The following PLPP1 variants were observed in gnomAD, a reference collection of about 807,000 sequenced individuals.
PLPP1 encodes phospholipid phosphatase 1.
A neutral mutation model predicts 31.2 loss-of-function variants in PLPP1; 24 were observed. The observed-to-expected ratio is 0.77, with a 90% confidence interval of 0.56 to 1.08. The LOEUF is 1.08. PLPP1 is among the 50% of genes least tolerant of loss of function. The pLI, the probability that PLPP1 is intolerant of heterozygous loss-of-function variation, is 0.00. For synonymous variants in PLPP1, 146 were observed against 126.3 expected (o/e 1.16, Z -1.05); for missense variants, 319 against 342.7 (o/e 0.93, Z 0.55).
chr5:55,507,306 TCAGAA>T (rs1753301134), intron 1 of PLPP1, among the ~76,000 whole-genome samples: 2 of 152,184 alleles, frequency 1.3e-5, no homozygotes, highest in Non-Finnish European at 2.9e-5. Flanking sequence ...TATCTGGCAC[TCAGAA>T]AAGAATACAG....
chr5:55,468,600 G>C (rs188040264), intron 2 of PLPP1, among the ~76,000 whole-genome samples: 1 of 151,962 alleles, frequency 6.6e-6, no homozygotes, highest in Non-Finnish European at 1.5e-5. Context: ...TCAGGAGTTC[G>C]AGACCAGCCT....
At chr5:55,445,596 G>C (rs539227665) in intron 3 of PLPP1, among the ~76,000 whole-genome samples, 1 of 135,628 alleles carries the variant, frequency 7.4e-6, no homozygotes, top group East Asian at 2.2e-4. Flanking sequence ...CCAGGCTGGA[G>C]TTCAGTGGCC....
chr5:55,501,223 C>T (rs915726411), intron 1 of PLPP1, among the ~76,000 whole-genome samples: 19 of 150,824 alleles, frequency 1.3e-4, no homozygotes, highest in Non-Finnish European at 2.2e-4. Context: ...TTTGACAGAA[C>T]AATCACTTGA....
intron 3 of PLPP1, among the ~76,000 whole-genome samples, chr5:55,460,991 C>T (rs1333132609): frequency 6.6e-6 from 1 of 152,156 alleles, no homozygotes; most frequent in Non-Finnish European, 1.5e-5. Context: ...TCAAGACCAG[C>T]CTGTGCAACA....
chr5:55,486,724 C>A (rs112451350), intron 1 of PLPP1, among the ~76,000 whole-genome samples: 13 of 152,188 alleles, frequency 8.5e-5, no homozygotes, highest in African/African-American at 3.1e-4. Flanking sequence ...ACCAGCCTAA[C>A]CAACATGGTG....
chr5:55,518,091 C>T (rs992154142), intron 1 of PLPP1, among the ~76,000 whole-genome samples: 1 of 152,146 alleles, frequency 6.6e-6, no homozygotes, highest in Non-Finnish European at 1.5e-5. Flanking sequence ...CCTCGGCCTC[C>T]CAGAGTGCTG....
Position 55,468,008 on chromosome 5 carries a change from T to C in PLPP1, c.352A>G (p.Ile118Val), listed in dbSNP as rs199937515. Residue 118 changes from isoleucine to valine, a missense_variant, in exon 3 of 6, where the codon ATT becomes GTT. Coordinates refer to ENST00000307259, the MANE Select transcript of PLPP1 (RefSeq NM_003711.4). ...GAAASQSLTDIAKYSIGRLRP... is the reference protein window; with the variant it reads ...GAAASQSLTDVAKYSIGRLRP... Reference sequence around the variant, plus strand: ...AGTCTGCCTATTGAATACTTGGCAATGTCAGTCAGGGACTGACTAGCAGCT... The same window carrying C: ...AGTCTGCCTATTGAATACTTGGCAACGTCAGTCAGGGACTGACTAGCAGCT... The C allele has an allele frequency of 6.2e-7, 1 of 1,614,188 alleles. No homozygotes were observed. The highest frequency in any genetic ancestry group is 2.2e-5 in the East Asian group (1 of 44,878).
chr5:55,503,760 CAG>C (rs1244384223), intron 1 of PLPP1, among the ~76,000 whole-genome samples: 1 of 136,854 alleles, frequency 7.3e-6, no homozygotes, highest in African/African-American at 2.8e-5. Flanking sequence ...GCCTGGGCAA[CAG>C]AGAGAGGCTG....
At chr5:55,499,681 CAAA>C (rs921560837) in intron 1 of PLPP1, among the ~76,000 whole-genome samples, 13 of 132,272 alleles carry the variant, frequency 9.8e-5, no homozygotes, top group African/African-American at 2.7e-4. Context: ...TTTCACTACT[CAAA>C]AAAAAAATAA....
intron 1 of PLPP1, among the ~76,000 whole-genome samples, chr5:55,496,109 C>T (rs1357114530): frequency 3.3e-5 from 5 of 152,208 alleles, no homozygotes; most frequent in African/African-American, 9.6e-5. Flanking sequence ...CCACCTGCCT[C>T]GGCCTCCCAA....
intron 1 of PLPP1, among the ~76,000 whole-genome samples, chr5:55,490,144 C>CTTTTTTTTTT (rs896241457): frequency 6.3e-3 from 524 of 82,902 alleles, no homozygotes; most frequent in Non-Finnish European, 7.7e-3. Flanking sequence ...CTTTTCTTTT[C>CTTTTTTTTTT]TTTTTTTTTT....
At chr5:55,530,460 T>A in intron 1 of PLPP1, 2 of 1,243,064 alleles carry the variant, frequency 1.6e-6, no homozygotes, top group Non-Finnish European at 2.4e-6. Context: ...ATTCTCTTGG[T>A]AAGTTTCTGT....
rs1052120146 is a variant in PLPP1, at chr5:55,490,889, G to A, written c.59-15439C>T. On this transcript the variant is annotated intron_variant, in intron 1 of 5. Coordinates refer to ENST00000307259, the MANE Select transcript of PLPP1 (RefSeq NM_003711.4). ...AAGACAGTACTGTGGATTTACCCCC[G>A]CCCCAACTCCATGCTTCATCCAACC... 22 of 1,476,540 alleles carry A rather than the reference G, an allele frequency of 1.5e-5. No homozygotes were observed. In the East Asian group the frequency reaches 1.8e-4, roughly 12 times the overall value. 91.5% of individuals were successfully genotyped at this position (1,476,540 alleles called of 1,614,324 possible).
chr5:55,482,389 A>C (rs1312742833), intron 1 of PLPP1, among the ~76,000 whole-genome samples: 1 of 152,120 alleles, frequency 6.6e-6, no homozygotes, highest in Non-Finnish European at 1.5e-5. Flanking sequence ...ATCAAACATA[A>C]ACAACAATCT....
intron 4 of PLPP1, among the ~76,000 whole-genome samples, chr5:55,437,180 G>T (rs1751511607): frequency 6.6e-6 from 1 of 152,114 alleles, no homozygotes; most frequent in South Asian, 2.1e-4. Flanking sequence ...ACCATTTTTG[G>T]TTGAAATTTC....
chr5:55,507,703 T>A (rs1753311701), intron 1 of PLPP1, among the ~76,000 whole-genome samples: 1 of 152,102 alleles, frequency 6.6e-6, no homozygotes, highest in African/African-American at 2.4e-5. Flanking sequence ...TCAAACCCAA[T>A]TGAGTCAATG....
chr5:55,531,282 A>C (rs1341542967), intron 1 of PLPP1, among the ~76,000 whole-genome samples: 1 of 152,266 alleles, frequency 6.6e-6, no homozygotes, highest in Non-Finnish European at 1.5e-5. Context: ...GGAACTAATA[A>C]TTCAAACGTG....
At chr5:55,460,279 A>G (rs533757506) in intron 3 of PLPP1, among the ~76,000 whole-genome samples, 4 of 152,346 alleles carry the variant, frequency 2.6e-5, no homozygotes, top group African/African-American at 9.6e-5. Context: ...AAAGAAAAGC[A>G]AACAAAACTA....
At chr5:55,459,670 C>T (rs768948602) in intron 3 of PLPP1, among the ~76,000 whole-genome samples, 3 of 152,052 alleles carry the variant, frequency 2.0e-5, no homozygotes, top group East Asian at 1.9e-4. Context: ...CTACATAATC[C>T]ACAGATCAAA....
Sources: allele counts gnomAD v4.1 joint callset (sites outside exome capture counted in the v4.1 genomes callset), GRCh38; gene constraint gnomAD v4.1.1; transcripts MANE v1.5; gene names NCBI Gene and HGNC (gene_info 2026-07-23, HGNC 2026-07-21).